The following MERTK variants were observed in gnomAD, a reference collection of about 807,000 sequenced individuals.
MERTK encodes the protein MER proto-oncogene, tyrosine kinase.
MERTK carries 69 observed loss-of-function variants against 99.3 expected under a neutral mutation model. The observed-to-expected ratio is 0.70, with a 90% CI of 0.57 to 0.85. The LOEUF (loss-of-function observed/expected upper bound fraction) is 0.85. Among genes scored for constraint, MERTK ranks in the 40% least tolerant of loss-of-function variants. MERTK has a pLI of 0.00. For synonymous variants in MERTK, 426 were observed against 467.6 expected (o/e 0.91, Z 1.15); for missense variants, 1,125 against 1,249.4 (o/e 0.90, Z 1.50).
chr2:111,977,780 T>A (rs1274118472), intron 7 of MERTK, among the ~76,000 whole-genome samples: 1 of 152,220 alleles, frequency 6.6e-6, no homozygotes, highest in Non-Finnish European at 1.5e-5. Context: ...GGATAGTTTC[T>A]GTTGCTATGT....
At chr2:112,008,843 A>T (rs1359745021) in intron 14 of MERTK, 2 of 320,668 alleles carry the variant, frequency 6.2e-6, no homozygotes, top group Non-Finnish European at 1.2e-5. Flanking sequence ...AAGGTGAAAA[A>T]GTAGGCAAAT....
At chr2:111,935,638 CGTGTGTGTGTGTGTGTGTGTGT>C (rs55986780) in intron 2 of MERTK, among the ~76,000 whole-genome samples, 5 of 139,842 alleles carry the variant, frequency 3.6e-5, no homozygotes, top group African/African-American at 5.5e-5. Context: ...GGTCTTGGCT[CGTGTGTGTGTGTGTGTGTGTGT>C]GTGTGTGTGT....
At chr2:111,966,005 A>G (rs1459271691) in intron 5 of MERTK, among the ~76,000 whole-genome samples, 3 of 152,224 alleles carry the variant, frequency 2.0e-5, no homozygotes, top group Admixed American at 6.5e-5. Flanking sequence ...CAAAGGTGTT[A>G]AACTTGAAAT....
intron 2 of MERTK, among the ~76,000 whole-genome samples, chr2:111,944,303 C>CAA (rs776451722): frequency 0.069 from 4,615 of 67,320 alleles, 177 homozygotes; most frequent in African/African-American, 0.11. Flanking sequence ...GAATCTGTCT[C>CAA]AAAAAAAAAA....
chr2:112,003,502 C>A, intron 12 of MERTK: 1 of 331,746 alleles, frequency 3.0e-6, no homozygotes. Flanking sequence ...TTCTTAAGTT[C>A]ATTGTTCTTG....
intron 1 of MERTK, among the ~76,000 whole-genome samples, chr2:111,920,259 T>C (rs1395945326): frequency 6.6e-6 from 1 of 152,224 alleles, no homozygotes; most frequent in Non-Finnish European, 1.5e-5. Context: ...GGGCTTTCAC[T>C]GGCACTTGGG....
intron 4 of MERTK, among the ~76,000 whole-genome samples, chr2:111,954,094 C>T (rs559559684): frequency 3.3e-4 from 50 of 152,344 alleles, no homozygotes; most frequent in Admixed American, 2.5e-3. Context: ...CAGAGCTTCT[C>T]ATTCCTGGCA....
intron 1 of MERTK, among the ~76,000 whole-genome samples, chr2:111,910,610 G>GTGTGTGTGTATATATATA (rs370882764): frequency 4.9e-4 from 70 of 143,658 alleles, no homozygotes; most frequent in African/African-American, 1.8e-3. Context: ...GTGTGTGTGT[G>GTGTGTGTGTATATATATA]TATATATATA....
At position 112,009,999 on chromosome 2, in the gene MERTK, T is replaced by C; in HGVS notation, c.2012T>C (p.Leu671Ser). Residue 671 changes from leucine (L) to serine (S), a missense_variant, in exon 15 of 19, where the codon TTA becomes TCA. Leu to Ser is a moderately radical substitution (Grantham distance 145, BLOSUM62 -2). Coordinates refer to ENST00000295408, the MANE Select transcript of MERTK (RefSeq NM_006343.3). The part of the protein sequence containing the change: ...SQGIPKPMVI[L>S]PFMKYGDLHT... ...GGCATCCCAAAGCCCATGGTAATTTTACCCTTCATGAAATACGGGGACCTG... is the reference window on the plus strand; with the variant it reads ...GGCATCCCAAAGCCCATGGTAATTTCACCCTTCATGAAATACGGGGACCTG... The C allele has an allele frequency of 6.2e-7, 1 of 1,614,092 alleles. No individual in the cohort carries two copies. Among genetic ancestry groups the C allele is most frequent in the Non-Finnish European group, 8.5e-7 (1 of 1,179,942 alleles).
chr2:111,949,361 T>G (rs1573593414), intron 4 of MERTK, among the ~76,000 whole-genome samples: 1 of 152,132 alleles, frequency 6.6e-6, no homozygotes, highest in African/African-American at 2.4e-5. Flanking sequence ...TCAGTAAATA[T>G]TTATGGCTAG....
intron 6 of MERTK, among the ~76,000 whole-genome samples, chr2:111,972,614 A>G (rs1258637421): frequency 1.3e-5 from 2 of 152,166 alleles, no homozygotes; most frequent in East Asian, 3.8e-4. Context: ...GTGGTGCTGG[A>G]TATGATGATT....
At chr2:111,969,714 CAG>C (rs1257385671) in intron 6 of MERTK, among the ~76,000 whole-genome samples, 2 of 132,758 alleles carry the variant, frequency 1.5e-5, no homozygotes, top group Admixed American at 8.2e-5. Flanking sequence ...TTTTTTGAGA[CAG>C]AGTCTCGCTC....
chr2:111,975,583 C>G (rs756318148), intron 7 of MERTK, 111 bp downstream of exon 7: 22 of 1,184,724 alleles, frequency 1.9e-5, no homozygotes, highest in Non-Finnish European at 2.8e-5. Flanking sequence ...GACTTTGTCT[C>G]TGGAGGAGAA....
In MERTK at chr2:111,965,254, A is replaced by G. The variant is rs774835500; in HGVS notation, c.821A>G (p.Lys274Arg). 2.5e-6 allele frequency: 4 copies of G among 1,614,208 alleles called. No individual in the cohort carries two copies. Among genetic ancestry groups the G allele is most frequent in the South Asian group, 2.2e-5 (2 of 91,080 alleles). The change falls in exon 5 of 19, where the codon AAG becomes AGG. Residue 274 changes from lysine (K) to arginine (R), a missense_variant. By Grantham distance (26) the Lys-to-Arg change is conservative (BLOSUM62 2). Transcript: ENST00000295408. ...AATGACAAAGGGCTGACCGTGTCCA[A>G]GGGAGTGCAGATCAACATCAAAGGT... ...AHNDKGLTVS[K>R]GVQINIKAIP...
At chr2:112,022,530 C>A in intron 18 of MERTK, 136 bp downstream of exon 18, 1 of 1,262,722 alleles carries the variant, frequency 7.9e-7, no homozygotes, top group Non-Finnish European at 1.2e-6. Context: ...AGGGGTGGAA[C>A]CCACAGACAC....
At chr2:112,014,053 G>A (rs917587847) in intron 15 of MERTK, among the ~76,000 whole-genome samples, 151 of 139,794 alleles carry the variant, frequency 1.1e-3, no homozygotes, top group African/African-American at 3.9e-3. Context: ...ACAGAGTCTC[G>A]CTCTGTCGCC....
chr2:111,920,003 C>A (rs1033650616), intron 1 of MERTK, among the ~76,000 whole-genome samples: 3 of 151,972 alleles, frequency 2.0e-5, no homozygotes, highest in Non-Finnish European at 2.9e-5. Flanking sequence ...CCATGCTGCT[C>A]TAAGCCCCAA....
chr2:111,968,261 C>A lies in MERTK; in HGVS notation c.960+9C>A, dbSNP rs373198570. On this transcript the variant is annotated intron_variant, in intron 6 of 18. Coordinates refer to ENST00000295408, the MANE Select transcript of MERTK (RefSeq NM_006343.3). ...GGAATTGCAGCATTCAGGTAAAGTT[C>A]CAGGGTGAAGAGGGAAGTAGCTGTT... 303 of 1,602,128 alleles carry A rather than the reference C, an allele frequency of 1.9e-4. 1 individual carries two copies. The African/African-American group carries it at 3.8e-3, about 20-fold the overall frequency.
At chr2:112,012,705 C>T (rs1350220684) in intron 15 of MERTK, among the ~76,000 whole-genome samples, 1 of 152,126 alleles carries the variant, frequency 6.6e-6, no homozygotes, top group African/African-American at 2.4e-5. Flanking sequence ...GACTGAAGTG[C>T]CCCGACCTCC....
Sources: allele counts gnomAD v4.1 joint callset (sites outside exome capture counted in the v4.1 genomes callset), GRCh38; gene constraint gnomAD v4.1.1; transcripts MANE v1.5; gene names NCBI Gene and HGNC (gene_info 2026-07-23, HGNC 2026-07-21).